The following PHF20 variants were observed in gnomAD, a reference collection of about 807,000 sequenced individuals.
The protein encoded by PHF20 is PHD finger protein 20.
PHF20 carries 23 observed loss-of-function variants against 113.5 expected under a neutral mutation model. The observed-to-expected ratio is 0.20, with a 90% CI of 0.15 to 0.29. PHF20 has a LOEUF of 0.29. Ranked by LOEUF, PHF20 falls within the 10% of genes least tolerant of loss-of-function variation. The probability of loss-of-function intolerance (pLI) is 1.00; values close to 1 mark genes in which losing one functional copy is unlikely to be tolerated. For missense variants in PHF20, 943 were observed against 1,219.6 expected (o/e 0.77, Z 3.38); for synonymous variants, 434 against 457.3 (o/e 0.95, Z 0.65).
At chr20:35,943,551 A>G (rs550545448) in intron 17 of PHF20, among the ~76,000 whole-genome samples, 3 of 151,090 alleles carry the variant, frequency 2.0e-5, no homozygotes, top group South Asian at 2.1e-4. Context: ...ATATATATAT[A>G]TGCCATTGTT....
intron 1 of PHF20, among the ~76,000 whole-genome samples, chr20:35,787,796 T>C (rs1358025148): frequency 6.6e-6 from 1 of 151,478 alleles, no homozygotes; most frequent in Admixed American, 6.6e-5. Context: ...ATTTTTACTT[T>C]TTGAGACAGA....
intron 17 of PHF20, among the ~76,000 whole-genome samples, chr20:35,943,840 C>T (rs1189218976): frequency 6.6e-6 from 1 of 152,048 alleles, no homozygotes; most frequent in Non-Finnish European, 1.5e-5. Context: ...AGGCTGGTCT[C>T]GATCTCCTGA....
chr20:35,942,831 CT>C (rs923730603), intron 17 of PHF20, among the ~76,000 whole-genome samples: 115 of 149,040 alleles, frequency 7.7e-4, no homozygotes, highest in African/African-American at 2.5e-3. Flanking sequence ...TTCTTTCTTT[CT>C]TTTTTTTTTG....
At chr20:35,893,445 A>C (rs7272977) in intron 9 of PHF20, among the ~76,000 whole-genome samples, 8,867 of 152,118 alleles carry the variant, frequency 0.058, 409 homozygotes, top group African/African-American at 0.13. Context: ...CTGGGATTAC[A>C]GGCACACGCC....
intron 5 of PHF20, among the ~76,000 whole-genome samples, chr20:35,860,328 C>T (rs569831625): frequency 6.6e-6 from 1 of 151,330 alleles, no homozygotes; most frequent in South Asian, 2.1e-4. Flanking sequence ...GTAAACTCCA[C>T]CTCCCGGGTT....
chr20:35,913,050 C>T (rs982365679), intron 10 of PHF20, among the ~76,000 whole-genome samples, 199 bp from the exon 11 acceptor site: 1 of 152,162 alleles, frequency 6.6e-6, no homozygotes, highest in South Asian at 2.1e-4. Context: ...TTTACAATGA[C>T]GGGCCATGGG....
chr20:35,881,048 CTT>C (rs773060725), intron 9 of PHF20, among the ~76,000 whole-genome samples: 3 of 109,742 alleles, frequency 2.7e-5, no homozygotes, highest in African/African-American at 7.9e-5. Flanking sequence ...CTCTAAATAC[CTT>C]TTTTTTTTTT....
chr20:35,931,363 T>A lies in PHF20; in HGVS notation c.2219T>A (p.Val740Glu). ...NYSHQNAKKI[V>E]ATHQLLGDVQ... Reference sequence around the variant, plus strand: ...TCCCATCAGAATGCCAAGAAGATCGTGGCCACCCACCAGCTTCTTGGTGAT... The same window carrying A: ...TCCCATCAGAATGCCAAGAAGATCGAGGCCACCCACCAGCTTCTTGGTGAT... The change falls in exon 15 of 18, where the codon GTG becomes GAG. Residue 740 changes from valine (V) to glutamate (E), a missense_variant. Val to Glu is a moderately radical substitution (Grantham distance 121). Coordinates refer to ENST00000374012, the MANE Select transcript of PHF20 (RefSeq NM_016436.5). The A allele has an allele frequency of 6.2e-7, 1 of 1,614,108 alleles. No individual in the cohort carries two copies. The highest frequency in any genetic ancestry group is 1.1e-5 in the South Asian group (1 of 91,070).
chr20:35,928,962 G>T (rs2147110588), intron 14 of PHF20, among the ~76,000 whole-genome samples: 1 of 152,260 alleles, frequency 6.6e-6, no homozygotes, highest in South Asian at 2.1e-4. Flanking sequence ...TTCTAGAAGG[G>T]GTGGATTGTA....
chr20:35,815,979 T>TG (rs1182623782), intron 2 of PHF20, among the ~76,000 whole-genome samples: 1 of 152,142 alleles, frequency 6.6e-6, no homozygotes, highest in Non-Finnish European at 1.5e-5. Context: ...ATTTTTGAGA[T>TG]GGAGACCCGC....
chr20:35,903,043 T>TTTTCG (rs1555799677), intron 10 of PHF20, among the ~76,000 whole-genome samples: 2 of 123,490 alleles, frequency 1.6e-5, no homozygotes, highest in African/African-American at 3.6e-5. Flanking sequence ...TTTTGAGTGA[T>TTTTCG]TTTCGTTTCC....
intron 2 of PHF20, among the ~76,000 whole-genome samples, chr20:35,807,272 C>A (rs73095513): frequency 0.017 from 2,518 of 151,620 alleles, 41 homozygotes; most frequent in Non-Finnish European, 0.027. Context: ...GTTTTATAAC[C>A]TCCATAAAGA....
chr20:35,861,145 G>C (rs1408051402), intron 5 of PHF20, among the ~76,000 whole-genome samples: 1 of 151,608 alleles, frequency 6.6e-6, no homozygotes, highest in African/African-American at 2.4e-5. Flanking sequence ...TATTGGAATA[G>C]ATTGAGTTTT....
At chr20:35,863,597 A>G (rs2054259242) in intron 6 of PHF20, among the ~76,000 whole-genome samples, 197 bp downstream of exon 6, 1 of 152,244 alleles carries the variant, frequency 6.6e-6, no homozygotes, top group Non-Finnish European at 1.5e-5. Flanking sequence ...TAAGTTGGGA[A>G]GCATGTTCAT....
chr20:35,799,548 AAGTGCCCTTAG>A, intron 1 of PHF20, among the ~76,000 whole-genome samples: 1 of 152,256 alleles, frequency 6.6e-6, no homozygotes, highest in Middle Eastern at 3.4e-3. Flanking sequence ...TGGCCTGTTC[AAGTGCCCTTAG>A]AGTTCAGAGT....
At chr20:35,889,009 CTTTTTTTTT>C (rs566960589) in intron 9 of PHF20, among the ~76,000 whole-genome samples, 16 of 99,214 alleles carry the variant, frequency 1.6e-4, no homozygotes, top group South Asian at 2.9e-4. Flanking sequence ...CTCTTAGTTT[CTTTTTTTTT>C]TTTTTTTTTT....
chr20:35,850,395 A>G (rs10211792), intron 4 of PHF20, among the ~76,000 whole-genome samples: 36,445 of 134,370 alleles, frequency 0.27, 5,383 homozygotes, highest in African/African-American at 0.44. Flanking sequence ...TGCAACCTCC[A>G]CCTCCTGGGT....
intron 1 of PHF20, among the ~76,000 whole-genome samples, chr20:35,780,952 C>T (rs1388027363): frequency 2.0e-5 from 3 of 146,526 alleles, no homozygotes; most frequent in Admixed American, 7.0e-5. Context: ...CTCCCGAGTT[C>T]AAGTGATTCT....
intron 2 of PHF20, among the ~76,000 whole-genome samples, chr20:35,809,848 G>A (rs938210710): frequency 1.3e-5 from 2 of 152,178 alleles, no homozygotes; most frequent in African/African-American, 2.4e-5. Flanking sequence ...GCTGATAGCC[G>A]CAGGTGGCAG....
Sources: allele counts gnomAD v4.1 joint callset (sites outside exome capture counted in the v4.1 genomes callset), GRCh38; gene constraint gnomAD v4.1.1; transcripts MANE v1.5; gene names NCBI Gene and HGNC (gene_info 2026-07-23, HGNC 2026-07-21).